STK32A: variants seen among roughly 807,000 people sequenced by gnomAD.
STK32A encodes serine/threonine kinase 32A, also known as serine/threonine-protein kinase 32A.
STK32A carries 41 observed loss-of-function variants against 53.2 expected under a neutral mutation model. That is an observed-to-expected ratio of 0.77 (90% confidence interval 0.60 to 1.00). The LOEUF (loss-of-function observed/expected upper bound fraction) is 1.00, where lower values mean the gene tolerates loss of function less well. Among genes scored for constraint, STK32A ranks in the 50% least tolerant of loss-of-function variants. The pLI is 0.00. For missense variants in STK32A, 458 were observed against 485.8 expected (o/e 0.94, Z 0.54); for synonymous variants, 166 against 162.8 (o/e 1.02, Z -0.15).
chr5:147,368,945 A>G (rs1169444847), intron 8 of STK32A, among the ~76,000 whole-genome samples: 1 of 152,176 alleles, frequency 6.6e-6, no homozygotes, highest in Non-Finnish European at 1.5e-5. Context: ...AAGTAAAAAC[A>G]CATGTGCATA....
At chr5:147,271,316 C>T (rs1755021440) in intron 2 of STK32A, among the ~76,000 whole-genome samples, 1 of 152,142 alleles carries the variant, frequency 6.6e-6, no homozygotes, top group Non-Finnish European at 1.5e-5. Context: ...TTTCCTATGC[C>T]TGTCTTTACT....
At chr5:147,303,758 G>A (rs1581064248) in intron 4 of STK32A, among the ~76,000 whole-genome samples, 1 of 152,194 alleles carries the variant, frequency 6.6e-6, no homozygotes, top group Non-Finnish European at 1.5e-5. Flanking sequence ...TGCTCTGAAA[G>A]GGTTCAAGGA....
chr5:147,329,911 G>A (rs763211491), intron 5 of STK32A, among the ~76,000 whole-genome samples: 32 of 152,240 alleles, frequency 2.1e-4, no homozygotes, highest in Non-Finnish European at 4.4e-4. Context: ...GGTGAGTGCA[G>A]AAGGTAAAAG....
chr5:147,357,282 C>A (rs1475869852), intron 7 of STK32A, among the ~76,000 whole-genome samples: 1 of 152,022 alleles, frequency 6.6e-6, no homozygotes, highest in Non-Finnish European at 1.5e-5. Flanking sequence ...TCCCTGCATT[C>A]TTATCAGTGC....
At chr5:147,338,310 G>A (rs949217816) in intron 5 of STK32A, among the ~76,000 whole-genome samples, 20 of 152,124 alleles carry the variant, frequency 1.3e-4, no homozygotes, top group South Asian at 2.1e-4. Flanking sequence ...CTGCCTCCAC[G>A]TAAGAGGTGC....
chr5:147,257,094 T>C (rs1286272190), intron 2 of STK32A, among the ~76,000 whole-genome samples: 9 of 152,208 alleles, frequency 5.9e-5, no homozygotes, highest in Non-Finnish European at 1.2e-4. Context: ...ATAACCTGTA[T>C]AGGTTTAGCT....
intron 2 of STK32A, among the ~76,000 whole-genome samples, chr5:147,270,830 G>T (rs1754996081): frequency 6.6e-6 from 1 of 152,078 alleles, no homozygotes; most frequent in Admixed American, 6.6e-5. Context: ...ATATGTTTTT[G>T]GTATCAAGAA....
chr5:147,303,013 T>C (rs896150424), intron 4 of STK32A, among the ~76,000 whole-genome samples: 1 of 152,186 alleles, frequency 6.6e-6, no homozygotes, highest in Non-Finnish European at 1.5e-5. Flanking sequence ...TCCATCCTTT[T>C]TAGAGGAATC....
chr5:147,319,220 G>A (rs1754173005), intron 4 of STK32A, among the ~76,000 whole-genome samples: 1 of 146,446 alleles, frequency 6.8e-6, no homozygotes, highest in African/African-American at 2.5e-5. Flanking sequence ...TTGGCTCACT[G>A]CAAGCTCCGC....
intron 7 of STK32A, among the ~76,000 whole-genome samples, chr5:147,360,053 C>T (rs899505001): frequency 1.5e-4 from 23 of 152,226 alleles, no homozygotes; most frequent in African/African-American, 5.3e-4. Flanking sequence ...TGAATGTTTG[C>T]CTCTCTAGAA....
chr5:147,306,172 T>C (rs2151968444), intron 4 of STK32A, among the ~76,000 whole-genome samples: 1 of 152,108 alleles, frequency 6.6e-6, no homozygotes, highest in South Asian at 2.1e-4. Context: ...GGTATCTCCC[T>C]GTGGTTTTAA....
chr5:147,390,836 C>T (rs908673517), downstream of STK32A: 1 of 152,522 alleles, frequency 6.6e-6, no homozygotes, highest in Non-Finnish European at 1.5e-5. Flanking sequence ...TTTTAATAAC[C>T]AGGTTTACAT....
At chr5:147,238,960 A>G (rs1753448162) in intron 1 of STK32A, among the ~76,000 whole-genome samples, 1 of 152,184 alleles carries the variant, frequency 6.6e-6, no homozygotes, top group African/African-American at 2.4e-5. Flanking sequence ...AACTTAATAT[A>G]TAATGAGTTA....
Position 147,351,141 on chromosome 5 carries a change from C to A in STK32A, c.549C>A (p.Thr183=), listed in dbSNP as rs751596335. The change falls in exon 7 of 13, where the codon ACC becomes ACA. Residue 183 remains threonine, a synonymous_variant. Coordinates refer to ENST00000397936, the MANE Select transcript of STK32A (RefSeq NM_001112724.2). ...RETQITTMAG[T]KPYMAPEMFS... is the part of the protein sequence containing the mutation. ...CACAGATTACCACCATGGCTGGCAC[C>A]AAGCCTTACATGGGTATGGGTTTCA... is the stretch of plus-strand genomic sequence containing the variant. 1 of 1,613,750 alleles carries A rather than the reference C, an allele frequency of 6.2e-7. No homozygotes were observed. The highest frequency in any genetic ancestry group is 8.5e-7 in the Non-Finnish European group (1 of 1,179,708).
At chr5:147,259,777 C>G (rs1275311298) in intron 2 of STK32A, among the ~76,000 whole-genome samples, 1 of 151,520 alleles carries the variant, frequency 6.6e-6, no homozygotes, top group Non-Finnish European at 1.5e-5. Flanking sequence ...CTGCCTCTCT[C>G]CTCTCTGTCT....
intron 7 of STK32A, among the ~76,000 whole-genome samples, chr5:147,354,596 G>C (rs1756133910): frequency 6.6e-6 from 1 of 152,182 alleles, no homozygotes; most frequent in South Asian, 2.1e-4. Flanking sequence ...CAGACAAGGT[G>C]TTAAATGTTT....
intron 2 of STK32A, among the ~76,000 whole-genome samples, chr5:147,272,884 C>G (rs1365670432): frequency 6.6e-6 from 1 of 152,140 alleles, no homozygotes; most frequent in Non-Finnish European, 1.5e-5. Context: ...CAGCTGGTGT[C>G]CTCGTTGCCT....
At chr5:147,335,321 G>T (rs1342385287) in intron 5 of STK32A, among the ~76,000 whole-genome samples, 1 of 152,122 alleles carries the variant, frequency 6.6e-6, no homozygotes. Context: ...CCTCATAATG[G>T]TTTAAACAAT....
chr5:147,381,823 G>A (rs998084693), intron 11 of STK32A, among the ~76,000 whole-genome samples: 28 of 151,772 alleles, frequency 1.8e-4, no homozygotes, highest in African/African-American at 6.3e-4. Context: ...TCCACAGTAC[G>A]TACACTGGTT....
Sources: allele counts gnomAD v4.1 joint callset (sites outside exome capture counted in the v4.1 genomes callset), GRCh38; gene constraint gnomAD v4.1.1; transcripts MANE v1.5; gene names NCBI Gene and HGNC (gene_info 2026-07-23, HGNC 2026-07-21).